Variants in C6 observed in about 807,000 individuals in gnomAD.
C6 encodes the protein complement C6, also known as complement component C6.
Under a neutral mutation model 112.9 loss-of-function variants are expected in C6, and 101 were observed. That is an observed-to-expected ratio of 0.89 (90% CI 0.76 to 1.06). The LOEUF (loss-of-function observed/expected upper bound fraction) is 1.06, where lower values mean the gene tolerates loss of function less well. Ranked by LOEUF, C6 falls within the 50% of genes least tolerant of loss-of-function variation. C6 has a pLI of 0.00. For missense variants in C6, 1,202 were observed against 1,104.6 expected (o/e 1.09, Z -1.25); for synonymous variants, 431 against 384.1 (o/e 1.12, Z -1.43).
At chr5:41,176,939 A>G (rs1748908409) in intron 7 of C6, among the ~76,000 whole-genome samples, 1 of 152,216 alleles carries the variant, frequency 6.6e-6, no homozygotes, top group African/African-American at 2.4e-5. Flanking sequence ...AATAATGTAA[A>G]CTGTGTAATG....
intron 1 of C6, among the ~76,000 whole-genome samples, chr5:41,206,460 A>G (rs1347832823): frequency 6.6e-6 from 1 of 152,228 alleles, no homozygotes; most frequent in Non-Finnish European, 1.5e-5. Flanking sequence ...CCCATTGCAA[A>G]GAGGCTAAAA....
intron 9 of C6, among the ~76,000 whole-genome samples, chr5:41,163,030 G>A (rs1177347544): frequency 6.6e-6 from 1 of 152,040 alleles, no homozygotes. Flanking sequence ...TATCTGTGAG[G>A]GGCATGGGAT....
At chr5:41,143,054 G>A (rs1027058494) in intron 17 of C6, 48 bp from the exon 18 acceptor site, 1 of 1,568,614 alleles carries the variant, frequency 6.4e-7, no homozygotes, top group African/African-American at 1.4e-5. Flanking sequence ...AGTACATTAG[G>A]GTTTGGCTTT....
At chr5:41,165,642 C>T (rs10052999) in intron 9 of C6, among the ~76,000 whole-genome samples, 11,791 of 152,126 alleles carry the variant, frequency 0.078, 604 homozygotes, top group East Asian at 0.25. Flanking sequence ...TACTACATGT[C>T]ACTTGTGCAA....
intron 1 of C6, among the ~76,000 whole-genome samples, chr5:41,243,506 C>T (rs1249327893): frequency 6.6e-6 from 1 of 152,184 alleles, no homozygotes; most frequent in Non-Finnish European, 1.5e-5. Flanking sequence ...TTTCTTGAAT[C>T]TAGCTGCTTT....
intron 1 of C6, among the ~76,000 whole-genome samples, chr5:41,225,069 A>G (rs527703003): frequency 2.0e-5 from 3 of 152,048 alleles, no homozygotes; most frequent in South Asian, 2.1e-4. Flanking sequence ...TCCTTTAGCC[A>G]TTTTTTAAAT....
chr5:41,259,533 AAAT>A (rs1416189023), intron 1 of C6, among the ~76,000 whole-genome samples: 39 of 151,446 alleles, frequency 2.6e-4, no homozygotes, highest in Non-Finnish European at 4.3e-4. Flanking sequence ...AAAAAAAAAA[AAAT>A]CTCTGTTTTC....
chr5:41,226,328 T>C (rs1739499267), intron 1 of C6, among the ~76,000 whole-genome samples: 2 of 152,160 alleles, frequency 1.3e-5, no homozygotes, highest in Non-Finnish European at 2.9e-5. Flanking sequence ...AAGACATTTA[T>C]GCAGCCAGAA....
At chr5:41,184,628 C>T (rs1328998672) in intron 6 of C6, among the ~76,000 whole-genome samples, 1 of 151,978 alleles carries the variant, frequency 6.6e-6, no homozygotes, top group Non-Finnish European at 1.5e-5. Context: ...TGCACCACTA[C>T]GCCCAGCTAA....
Position 41,155,084 on chromosome 5 carries a change from C to T in C6, c.1989G>A (p.Leu663=), listed in dbSNP as rs1338298909. The change falls in exon 14 of 18, where the codon TTG becomes TTA. Residue 663 remains leucine (L), a synonymous_variant. Transcript: ENST00000337836. The stretch of plus-strand genomic sequence containing the variant: ...ATGAAATTTCAACATCTTCTCCAAC[C>T]AAGTATAGTTGCTTTTCATTCTTAA... ...GFIRNEKQLY[L]VGEDVEISCL... The T allele has an allele frequency of 1.9e-6, 3 of 1,613,408 alleles. No individual in the cohort carries two copies. Among genetic ancestry groups the T allele is most frequent in the Non-Finnish European group, 2.5e-6 (3 of 1,179,602 alleles).
intron 1 of C6, among the ~76,000 whole-genome samples, chr5:41,234,364 G>GTTT (rs70988840): frequency 0.014 from 1,751 of 122,918 alleles, 42 homozygotes; most frequent in African/African-American, 0.049. Flanking sequence ...TTTGTTTTTT[G>GTTT]TTTTTTTTTT....
intron 8 of C6, among the ~76,000 whole-genome samples, chr5:41,173,763 C>T (rs141021956): frequency 1.9e-4 from 29 of 152,194 alleles, no homozygotes; most frequent in Non-Finnish European, 3.5e-4. Context: ...GTGAACTGGG[C>T]CTGTCTACCT....
chr5:41,253,767 A>C (rs1205586424), intron 1 of C6, among the ~76,000 whole-genome samples: 1 of 152,240 alleles, frequency 6.6e-6, no homozygotes, highest in Non-Finnish European at 1.5e-5. Context: ...ACAATAAAGA[A>C]AGTGTTTTTT....
chr5:41,239,909 A>G (rs1687025232), intron 1 of C6, among the ~76,000 whole-genome samples: 1 of 152,130 alleles, frequency 6.6e-6, no homozygotes, highest in South Asian at 2.1e-4. Flanking sequence ...TTTTCCTTTC[A>G]TCACTTTGTA....
At chr5:41,261,240 C>T in exon 1 of C6, 1 of 984,662 alleles carries the variant, frequency 1.0e-6, no homozygotes, top group Non-Finnish European at 1.2e-6. Context: ...TTCAGCACAT[C>T]AAAATCCAAG....
At chr5:41,199,272 G>T (rs1423249381) in intron 4 of C6, among the ~76,000 whole-genome samples, 1 of 152,104 alleles carries the variant, frequency 6.6e-6, no homozygotes, top group African/African-American at 2.4e-5. Context: ...TGACTGTTTA[G>T]ATAGGAGGTC....
Position 41,149,345 on chromosome 5 carries a change from C to T in C6, c.2519G>A (p.Gly840Asp). The change falls in exon 17 of 18, where the codon GGC becomes GAC. Residue 840 changes from glycine to aspartate, a missense_variant. By Grantham distance (94) the Gly-to-Asp change is moderately conservative. Coordinates refer to ENST00000337836, the MANE Select transcript of C6 (RefSeq NM_000065.5). ...HFLHIGSCQD[G>D]RQLEWGLERT... is the part of the protein sequence containing the mutation. ...TTCAAGACCCCATTCTAACTGGCGG[C>T]CGTCTTGGCAGGAACCAATATGTAG... 1 of 1,613,998 alleles carries T rather than the reference C, an allele frequency of 6.2e-7. No homozygotes were observed. The highest frequency in any genetic ancestry group is 2.2e-5 in the East Asian group (1 of 44,858).
chr5:41,170,512 A>G (rs865923075), intron 9 of C6, among the ~76,000 whole-genome samples: 1 of 151,972 alleles, frequency 6.6e-6, no homozygotes. Flanking sequence ...TAGAATCTGT[A>G]TTCATATTTT....
At position 41,142,489 on chromosome 5, in the gene C6, T is replaced by C. The variant is rs1040510228; in HGVS notation, c.*336A>G. ...CATTGAAGAAAATTATGGGTTTTATTCTTATTTCTAATTGCGAGAATGCTT... is the reference window on the plus strand; with the variant it reads ...CATTGAAGAAAATTATGGGTTTTATCCTTATTTCTAATTGCGAGAATGCTT... On this transcript the variant is annotated 3_prime_UTR_variant, in exon 18 of 18. Coordinates refer to ENST00000337836, the MANE Select transcript of C6 (RefSeq NM_000065.5). The C allele has an allele frequency of 5.7e-5, 17 of 297,034 alleles. No homozygotes were observed. Among genetic ancestry groups the C allele is most frequent in the Non-Finnish European group, 1.0e-4 (16 of 153,676 alleles). 18.4% of individuals were successfully genotyped at this position (297,034 alleles called of 1,614,324 possible).
Sources: allele counts gnomAD v4.1 joint callset (sites outside exome capture counted in the v4.1 genomes callset), GRCh38; gene constraint gnomAD v4.1.1; transcripts MANE v1.5; gene names NCBI Gene and HGNC (gene_info 2026-07-23, HGNC 2026-07-21).